Variants in FANCD2 observed in about 807,000 individuals in gnomAD.
FANCD2 encodes Fanconi anemia group D2 protein.
Under a neutral mutation model 192.3 loss-of-function variants are expected in FANCD2, and 131 were observed. The ratio of observed to expected loss-of-function variants is 0.68; its 90% CI spans 0.59 to 0.79. FANCD2 has a LOEUF of 0.79. Ranked by LOEUF, FANCD2 falls within the 30% of genes least tolerant of loss-of-function variation. FANCD2 has a pLI of 0.00. For missense variants in FANCD2, 1,508 were observed against 1,701.6 expected (o/e 0.89, Z 2.00); for synonymous variants, 524 against 612.5 (o/e 0.86, Z 2.13).
At chr3:10,053,142 T>C (rs1372521218) in intron 18 of FANCD2, among the ~76,000 whole-genome samples, 2 of 147,596 alleles carry the variant, frequency 1.4e-5, no homozygotes, top group East Asian at 1.9e-4. Context: ...TGTCCAACAA[T>C]GATAGACTGG....
At chr3:10,082,661 C>G (rs1481491802) in intron 32 of FANCD2, among the ~76,000 whole-genome samples, 1 of 152,110 alleles carries the variant, frequency 6.6e-6, no homozygotes, top group East Asian at 1.9e-4. Context: ...TTCTTGATCC[C>G]CAGCTTTTTC....
At chr3:10,089,754 C>T (rs978575925) in intron 36 of FANCD2, among the ~76,000 whole-genome samples, 1 of 152,182 alleles carries the variant, frequency 6.6e-6, no homozygotes, top group African/African-American at 2.4e-5. Context: ...AGGCATGAGC[C>T]ATTGTGCCCA....
At chr3:10,086,960 T>C (rs1694243289) in intron 33 of FANCD2, among the ~76,000 whole-genome samples, 174 bp from the exon 34 acceptor site, 1 of 152,200 alleles carries the variant, frequency 6.6e-6, no homozygotes, top group African/African-American at 2.4e-5. Flanking sequence ...TACAAAGGTA[T>C]GGTTTTCTAC....
chr3:10,092,040 A>T (rs943552546), intron 37 of FANCD2, 141 bp from the exon 38 acceptor site: 2 of 776,444 alleles, frequency 2.6e-6, no homozygotes, highest in African/African-American at 3.4e-5. Flanking sequence ...CATCTTGTGG[A>T]TGCACTGGTT....
At position 10,069,607 on chromosome 3, in the gene FANCD2, G is replaced by A. The variant is rs1318319159; in HGVS notation, c.2494+2290G>A. Among the ~76,000 whole-genome samples, 22 of 151,788 alleles carry A rather than the reference G, an allele frequency of 1.4e-4. No individual in the cohort carries two copies. The East Asian group carries it at 1.5e-3, about 11-fold the overall frequency. ...CTGCCGAGTGCCTGCGATTGCAGGCGCGCGCCGCCACGCCTGACTGGTTTT... is the reference window on the plus strand; with the variant it reads ...CTGCCGAGTGCCTGCGATTGCAGGCACGCGCCGCCACGCCTGACTGGTTTT... On this transcript the variant is annotated intron_variant, in intron 26 of 43. Coordinates refer to ENST00000675286, the MANE Select transcript of FANCD2 (RefSeq NM_001018115.3).
chr3:10,075,728 CTTT>C (rs71052292), intron 29 of FANCD2, among the ~76,000 whole-genome samples: 2 of 106,628 alleles, frequency 1.9e-5, no homozygotes, highest in Admixed American at 1.2e-4. Flanking sequence ...AAATAGTATC[CTTT>C]TTTTTTTTTT....
intron 29 of FANCD2, among the ~76,000 whole-genome samples, chr3:10,075,615 A>G (rs1693490241): frequency 6.6e-6 from 1 of 152,000 alleles, no homozygotes; most frequent in African/African-American, 2.4e-5. Flanking sequence ...AACTTTTGAG[A>G]TGGGATTTCA....
At chr3:10,087,421 G>A (rs1694284905) in intron 34 of FANCD2, among the ~76,000 whole-genome samples, 157 bp downstream of exon 34, 1 of 150,662 alleles carries the variant, frequency 6.6e-6, no homozygotes, top group African/African-American at 2.4e-5. Context: ...CATTTTCCCA[G>A]AACAACCTGA....
intron 26 of FANCD2, among the ~76,000 whole-genome samples, chr3:10,069,491 C>A (rs1183124748): frequency 1.5e-5 from 2 of 130,374 alleles, no homozygotes; most frequent in African/African-American, 3.6e-5. Flanking sequence ...CTCCCCCTCT[C>A]CCGTCTCCCT....
intron 39 of FANCD2, among the ~76,000 whole-genome samples, 191 bp downstream of exon 39, chr3:10,093,514 T>A (rs544149847): frequency 6.6e-6 from 1 of 152,204 alleles, no homozygotes; most frequent in South Asian, 2.1e-4. Flanking sequence ...AGTTTTCCTA[T>A]GAATTTGAAA....
intron 16 of FANCD2, among the ~76,000 whole-genome samples, chr3:10,048,539 A>G (rs960584317): frequency 3.9e-5 from 6 of 152,220 alleles, no homozygotes; most frequent in African/African-American, 1.4e-4. Flanking sequence ...TCCTGACCTC[A>G]GGTGAACCGC....
rs34398688 is a variant in FANCD2 at position 10,093,634 on chromosome 3, GAGT to G, written c.3888+314_3888+316del. ...TTACCAGGCAAAAGGGAGGAAGGAG[GAGT>G]AGATGATTTTTCTTTAAAGTCTATG... On this transcript the variant is annotated intron_variant, in intron 39 of 43. Transcript: ENST00000675286. 0.027 allele frequency among the ~76,000 whole-genome samples: 4,062 copies of G among 152,302 alleles called. 62 individuals carry two copies. Among genetic ancestry groups the G allele is most frequent in the South Asian group, 0.045 (217 of 4,826 alleles).
chr3:10,096,551 A>G, intron 42 of FANCD2, 79 bp downstream of exon 42: 2 of 1,363,308 alleles, frequency 1.5e-6, no homozygotes, highest in East Asian at 4.6e-5. Flanking sequence ...AAGGAAGGTC[A>G]CCTAAGCCCT....
chr3:10,095,152 A>G, intron 40 of FANCD2, 48 bp from the exon 41 acceptor site: 1 of 1,498,338 alleles, frequency 6.7e-7, no homozygotes, highest in Non-Finnish European at 9.3e-7. Context: ...TGAATCTAAA[A>G]TGAAATCAGG....
At chr3:10,049,281 A>T in intron 16 of FANCD2, 93 bp from the exon 17 acceptor site, 1 of 1,300,498 alleles carries the variant, frequency 7.7e-7, no homozygotes, top group Middle Eastern at 2.0e-4. Flanking sequence ...GATTTTAACA[A>T]AGTAGAGATT....
intron 7 of FANCD2, chr3:10,037,709 A>C (rs980528685): frequency 1.2e-4 from 19 of 152,238 alleles, no homozygotes; most frequent in African/African-American, 4.3e-4. Flanking sequence ...TGTTCAAAAA[A>C]TAGAAATATT....
intron 26 of FANCD2, among the ~76,000 whole-genome samples, chr3:10,070,778 G>A (rs1383098034): frequency 4.7e-5 from 7 of 147,756 alleles, no homozygotes; most frequent in African/African-American, 1.8e-4. Context: ...ATTTTGTTCT[G>A]TACTAAGATA....
Position 10,060,387 on chromosome 3 carries a change from A to G in FANCD2, c.1750A>G (p.Ile584Val), listed in dbSNP as rs2087531457. 7.4e-6 allele frequency: 12 copies of G among 1,613,884 alleles called. No individual in the cohort carries two copies. Among genetic ancestry groups the G allele is most frequent in the Non-Finnish European group, 1.0e-5 (12 of 1,179,826 alleles). ...GIIGAVTMAG[I>V]MAADRSESPS... ...TATTGGTGCTGTGACCATGGCTGGC[A>G]TCATGGCGGCAGACAGGTACACGTG... Residue 584 changes from isoleucine (I) to valine (V), a missense_variant, in exon 19 of 44, where the codon ATC becomes GTC. By Grantham distance (29) the Ile-to-Val change is conservative. Around this residue, in one of 5 missense-constraint regions of FANCD2, gnomAD observed 110 missense variants for 114.4 expected, o/e 0.96. Coordinates refer to ENST00000675286, the MANE Select transcript of FANCD2 (RefSeq NM_001018115.3).
At chr3:10,073,958 G>T (rs1214892990) in intron 28 of FANCD2, among the ~76,000 whole-genome samples, 1 of 151,736 alleles carries the variant, frequency 6.6e-6, no homozygotes, top group Non-Finnish European at 1.5e-5. Context: ...TTTGTTTTTT[G>T]TTTTTGAGAT....
Sources: allele counts gnomAD v4.1 joint callset (sites outside exome capture counted in the v4.1 genomes callset), GRCh38; gene constraint gnomAD v4.1.1; regional missense constraint gnomAD v4.1.1; transcripts MANE v1.5; gene names NCBI Gene and HGNC (gene_info 2026-07-23, HGNC 2026-07-21).